Variants in STPG2 observed in about 807,000 individuals in gnomAD.
The protein encoded by STPG2 is sperm-tail PG-rich repeat-containing protein 2.
Under a neutral mutation model 54.2 loss-of-function variants are expected in STPG2, and 56 were observed. The ratio of observed to expected loss-of-function variants is 1.03; its 90% confidence interval spans 0.83 to 1.29. The LOEUF is 1.29. STPG2 is among the 50% of genes most tolerant of loss of function. The pLI, the probability that STPG2 is intolerant of heterozygous loss-of-function variation, is 0.00. For missense variants in STPG2, 596 were observed against 544.9 expected, an observed-to-expected ratio of 1.09 and a Z score of -0.93; for synonymous variants, 200 against 181.8, an observed-to-expected ratio of 1.10 and a Z score of -0.81.
At chr4:97,825,825 A>AT (rs1728242225) in intron 9 of STPG2, among the ~76,000 whole-genome samples, 1 of 152,232 alleles carries the variant, frequency 6.6e-6, no homozygotes, top group Non-Finnish European at 1.5e-5. Flanking sequence ...AATGCCTTTT[A>AT]CTTCATGTAA....
intron 8 of STPG2, among the ~76,000 whole-genome samples, chr4:97,862,940 C>T (rs1180932362): frequency 6.6e-6 from 1 of 152,040 alleles, no homozygotes; most frequent in African/African-American, 2.4e-5. Flanking sequence ...GGGACACATT[C>T]AAAGCAGTGT....
At chr4:97,888,552 T>A (rs1730662780) in intron 8 of STPG2, among the ~76,000 whole-genome samples, 1 of 152,070 alleles carries the variant, frequency 6.6e-6, no homozygotes, top group Admixed American at 6.5e-5. Flanking sequence ...AAAGGAGATT[T>A]AGAACAAAAT....
chr4:97,449,868 G>A (rs1202536999), intron 4 of STPG2, among the ~76,000 whole-genome samples: 1 of 152,116 alleles, frequency 6.6e-6, no homozygotes, highest in Non-Finnish European at 1.5e-5. Context: ...ATATCCTATT[G>A]TTTTGATTTT....
In STPG2 at chr4:98,109,184, T is replaced by C; in HGVS notation, c.500+9A>G. On this transcript the variant is annotated intron_variant, in intron 4 of 10. Coordinates refer to ENST00000295268, the MANE Select transcript of STPG2 (RefSeq NM_174952.3). ...CTACATTAAAGGTATACTATATTTT[T>C]TTACTTACTGGACTATATCATACTG... 2.0e-6 allele frequency: 3 copies of C among 1,493,948 alleles called. No individual in the cohort carries two copies. The highest frequency in any genetic ancestry group is 1.8e-6 in the Non-Finnish European group (2 of 1,098,884). 92.5% of individuals were successfully genotyped at this position (1,493,948 alleles called of 1,614,324 possible).
At chr4:97,771,325 G>A (rs1474613153) in intron 9 of STPG2, among the ~76,000 whole-genome samples, 1 of 152,170 alleles carries the variant, frequency 6.6e-6, no homozygotes, top group Non-Finnish European at 1.5e-5. Flanking sequence ...AGAAAACTCT[G>A]TGCCATGCTC....
At chr4:97,778,872 T>TG (rs1726486302) in intron 9 of STPG2, among the ~76,000 whole-genome samples, 1 of 152,202 alleles carries the variant, frequency 6.6e-6, no homozygotes, top group Admixed American at 6.5e-5. Context: ...CTGAGGGTCC[T>TG]GTCTGATAGA....
chr4:97,531,898 T>G (rs1267270911), intron 4 of STPG2, among the ~76,000 whole-genome samples: 1 of 152,210 alleles, frequency 6.6e-6, no homozygotes, highest in Non-Finnish European at 1.5e-5. Context: ...GAAGGATAGA[T>G]GCTTGAGGTG....
chr4:98,004,295 G>A (rs977205690), intron 5 of STPG2, among the ~76,000 whole-genome samples: 2 of 152,022 alleles, frequency 1.3e-5, no homozygotes, highest in Non-Finnish European at 2.9e-5. Flanking sequence ...GTTCATCCAT[G>A]TTATCACAAA....
At chr4:98,041,875 C>T (rs1489143308) in intron 5 of STPG2, among the ~76,000 whole-genome samples, 1 of 151,818 alleles carries the variant, frequency 6.6e-6, no homozygotes, top group Non-Finnish European at 1.5e-5. Context: ...ATTTCCTCCT[C>T]TTCAACACAT....
chr4:97,690,963 T>C (rs1723344224), intron 10 of STPG2, among the ~76,000 whole-genome samples: 1 of 152,138 alleles, frequency 6.6e-6, no homozygotes, highest in Non-Finnish European at 1.5e-5. Flanking sequence ...ACAGAATCCA[T>C]GAAGATGAAA....
chr4:97,981,853 A>ATATG (rs1189843816), intron 5 of STPG2, among the ~76,000 whole-genome samples: 1 of 147,772 alleles, frequency 6.8e-6, no homozygotes, highest in East Asian at 2.0e-4. Context: ...ATATATATAT[A>ATATG]TAACTATAAA....
chr4:97,861,781 G>A (rs1223090232), intron 8 of STPG2, among the ~76,000 whole-genome samples: 1 of 152,134 alleles, frequency 6.6e-6, no homozygotes, highest in Admixed American at 6.6e-5. Context: ...CGTTCTTAAA[G>A]AGAAGAATTT....
intron 7 of STPG2, among the ~76,000 whole-genome samples, chr4:97,958,707 C>A (rs991652774): frequency 6.6e-6 from 1 of 152,084 alleles, no homozygotes; most frequent in African/African-American, 2.4e-5. Context: ...AATACTGGAG[C>A]TCCCAAATTT....
At chr4:97,725,807 G>A (rs1724605167) in intron 9 of STPG2, among the ~76,000 whole-genome samples, 1 of 151,790 alleles carries the variant, frequency 6.6e-6, no homozygotes, top group Non-Finnish European at 1.5e-5. Flanking sequence ...AACGACCTGA[G>A]TCCAGGCATT....
At chr4:98,090,690 A>G (rs1738659472) in intron 5 of STPG2, among the ~76,000 whole-genome samples, 1 of 152,116 alleles carries the variant, frequency 6.6e-6, no homozygotes, top group South Asian at 2.1e-4. Context: ...AACCATCAGC[A>G]TGGGATATGT....
chr4:97,786,987 G>A (rs944996286), intron 9 of STPG2, among the ~76,000 whole-genome samples: 10 of 152,082 alleles, frequency 6.6e-5, no homozygotes, highest in African/African-American at 2.4e-4. Flanking sequence ...CATGGTTTCA[G>A]GCATCCACTG....
intron 9 of STPG2, among the ~76,000 whole-genome samples, chr4:97,783,974 G>A (rs948443371): frequency 1.3e-5 from 2 of 151,178 alleles, no homozygotes; most frequent in African/African-American, 4.9e-5. Flanking sequence ...TGTAAATGAC[G>A]AGTTAATGGG....
chr4:97,543,220 C>A (rs1187749143), intron 4 of STPG2, among the ~76,000 whole-genome samples: 3 of 151,218 alleles, frequency 2.0e-5, no homozygotes, highest in Non-Finnish European at 2.9e-5. Flanking sequence ...GACATAGTTG[C>A]CTGGAAAAGA....
chr4:97,955,028 A>T (rs1413338258), intron 7 of STPG2, among the ~76,000 whole-genome samples: 1 of 150,264 alleles, frequency 6.7e-6, no homozygotes. Context: ...TGAGAAATGA[A>T]TTATTTAAGA....
Sources: gnomAD v4.1 joint callset for allele counts (sites outside exome capture counted in the v4.1 genomes callset) on GRCh38, gnomAD v4.1.1 for gene constraint, MANE v1.5 for transcripts, NCBI Gene and HGNC (gene_info 2026-07-23, HGNC 2026-07-21) for gene names.